The following FAM110C variants were observed in gnomAD, a reference collection of about 807,000 sequenced individuals.
FAM110C encodes the protein protein FAM110C.
A neutral mutation model predicts 15.7 loss-of-function variants in FAM110C; 19 were observed. That is an observed-to-expected ratio of 1.21 (90% CI 0.85 to 1.78). The LOEUF (loss-of-function observed/expected upper bound fraction) is 1.78. FAM110C is among the 40% of genes most tolerant of loss of function. The probability of loss-of-function intolerance (pLI) is 0.00; values close to 1 mark genes in which losing one functional copy is unlikely to be tolerated. For synonymous variants in FAM110C, 275 were observed against 233.9 expected, an observed-to-expected ratio of 1.18 and a Z score of -1.61; for missense variants, 547 against 495.7, an observed-to-expected ratio of 1.10 and a Z score of -0.98.
chr2:43,513 A>G, intron 1 of FAM110C: 1 of 985,380 alleles, frequency 1.0e-6, no homozygotes, highest in Non-Finnish European at 1.2e-6. Context: ...TCACAAGCTA[A>G]CTAAACTTCT....
chr2:44,892 A>T, intron 1 of FAM110C: 1 of 985,412 alleles, frequency 1.0e-6, no homozygotes. Flanking sequence ...GATCCTGTGG[A>T]GAAGTTCTCA....
In FAM110C at chr2:45,651, G is replaced by A. The variant is rs1332800169; in HGVS notation, c.735C>T (p.Thr245=). 1.2e-6 allele frequency: 2 copies of A among 1,612,014 alleles called. No homozygotes were observed. Among genetic ancestry groups the A allele is most frequent in the South Asian group, 2.2e-5 (2 of 90,854 alleles). Reference sequence around the variant, plus strand: ...CGACGCTCACGCTGCGCACCTTGAGGGTCACACAGTCCGACCCCGCGGTGA... The same window carrying A: ...CGACGCTCACGCTGCGCACCTTGAGAGTCACACAGTCCGACCCCGCGGTGA... ...ENFTAGSDCV[T]LKVRSVSVAT... Residue 245 remains threonine (T), a synonymous_variant, in exon 1 of 2, where the codon ACC becomes ACT. Transcript: ENST00000327669.
In FAM110C at chr2:45,709, G is replaced by C; in HGVS notation, c.677C>G (p.Pro226Arg). Residue 226 changes from proline to arginine, a missense_variant, in exon 1 of 2, where the codon CCC becomes CGC. Physicochemically the swap from Pro to Arg is moderately radical, Grantham distance 103. Coordinates refer to ENST00000327669, the MANE Select transcript of FAM110C (RefSeq NM_001077710.3). ...DTFFQYCGLD[P>R]EVVEALGREN... ...CCTCCCCAGGGCCTCCACCACCTCG[G>C]GGTCCAGGCCGCAGTACTGGAAGAA... 1 of 1,603,034 alleles carries C rather than the reference G, an allele frequency of 6.2e-7. No homozygotes were observed. The highest frequency in any genetic ancestry group is 1.1e-5 in the South Asian group (1 of 89,760).
At position 45,623 on chromosome 2, in the gene FAM110C, T is replaced by A. The variant is rs762524243; in HGVS notation, c.763A>T (p.Thr255Ser). 1 of 1,612,900 alleles carries A rather than the reference T, an allele frequency of 6.2e-7. No individual in the cohort carries two copies. ...TGCCGGGAGAAGCCGCTGCCGGAGG[T>A]GGCGACGCTCACGCTGCGCACCTTG... ...TLKVRSVSVATSGSGFSRHSG... is the reference protein window; with the variant it reads ...TLKVRSVSVASSGSGFSRHSG... Residue 255 changes from threonine (T) to serine (S), a missense_variant, in exon 1 of 2, where the codon ACC (threonine) becomes TCC (serine). Physicochemically the swap from Thr to Ser is moderately conservative, Grantham distance 58. Coordinates refer to ENST00000327669, the MANE Select transcript of FAM110C (RefSeq NM_001077710.3).
In FAM110C at chr2:46,118, T is replaced by C. The variant is rs1664294047; in HGVS notation, c.268A>G (p.Ile90Val). 1.4e-6 allele frequency: 2 copies of C among 1,476,252 alleles called. No homozygotes were observed. The highest frequency in any genetic ancestry group is 1.8e-6 in the Non-Finnish European group (2 of 1,120,858). 91.4% of individuals were successfully genotyped at this position (1,476,252 alleles called of 1,614,324 possible). Residue 90 changes from isoleucine to valine, a missense_variant, in exon 1 of 2, where the codon ATT becomes GTT. Ile to Val is a conservative substitution (Grantham distance 29, BLOSUM62 3). Transcript: ENST00000327669. ...TCCGGTCTCAACGGCTTCCGCGCAA[T>C]AGCCCTGCGCGCCACCGGGGCCGGG... Reference protein sequence around the residue: ...RAPAPVARRAIARKPLRPDSL... With the variant: ...RAPAPVARRAVARKPLRPDSL...
At chr2:44,701 C>T in intron 1 of FAM110C, 1 of 985,406 alleles carries the variant, frequency 1.0e-6, no homozygotes, top group Non-Finnish European at 1.2e-6. Flanking sequence ...CAATCCGGCA[C>T]TACTGGTTGT....
At chr2:44,817 A>C in intron 1 of FAM110C, 5 of 985,420 alleles carry the variant, frequency 5.1e-6, no homozygotes, top group Non-Finnish European at 6.0e-6. Context: ...AGCTCTCAAA[A>C]CAATTTAAAT....
Position 45,700 on chromosome 2 carries a change from A to C in FAM110C, c.686T>G (p.Val229Gly), listed in dbSNP as rs769618842. 1 of 1,603,564 alleles carries C rather than the reference A, an allele frequency of 6.2e-7. No homozygotes were observed. Among genetic ancestry groups the C allele is most frequent in the South Asian group, 1.1e-5 (1 of 89,834 alleles). ...FQYCGLDPEV[V>G]EALGRENFTA... ...GAAGTTCTCCCTCCCCAGGGCCTCC[A>C]CCACCTCGGGGTCCAGGCCGCAGTA... The change falls in exon 1 of 2, where the codon GTG becomes GGG. Residue 229 changes from valine (V) to glycine (G), a missense_variant. By Grantham distance (109) the Val-to-Gly change is moderately radical. Transcript: ENST00000327669.
chr2:44,018 T>C (rs1664205750), intron 1 of FAM110C: 1 of 985,364 alleles, frequency 1.0e-6, no homozygotes, highest in Non-Finnish European at 1.2e-6. Context: ...GGTTTAGTGC[T>C]CTATCCACCA....
At chr2:45,026 C>T (rs1473076249) in intron 1 of FAM110C, 4 of 985,298 alleles carry the variant, frequency 4.1e-6, no homozygotes, top group Non-Finnish European at 4.8e-6. Context: ...GGACCGCCCA[C>T]AGCACAGGTC....
rs2103274218 is a variant in FAM110C at position 46,157 on chromosome 2, G to A, written c.229C>T (p.Pro77Ser). 3 of 1,418,866 alleles carry A rather than the reference G, an allele frequency of 2.1e-6. No homozygotes were observed. Among genetic ancestry groups the A allele is most frequent in the Non-Finnish European group, 2.7e-6 (3 of 1,093,738 alleles). 87.9% of individuals were successfully genotyped at this position (1,418,866 alleles called of 1,614,324 possible). ...AIKCPGNDPG[P>S]PARAPAPVAR... ...ACCGGGGCCGGGGCGCGGGCCGGGG[G>A]CCCAGGGTCGTTCCCCGGGCACTTG... Residue 77 changes from proline to serine, a missense_variant, in exon 1 of 2, where the codon CCC becomes TCC. By Grantham distance (74) the Pro-to-Ser change is moderately conservative. Coordinates refer to ENST00000327669, the MANE Select transcript of FAM110C (RefSeq NM_001077710.3).
At position 44,703 on chromosome 2, in the gene FAM110C, A is replaced by G. The variant is rs533824257; in HGVS notation, c.946+737T>C. On this transcript the variant is annotated intron_variant, in intron 1 of 1. Transcript: ENST00000327669. ...AAGAGCTCGAGGTCAATCCGGCACT[A>G]CTGGTTGTCCAAAGGGAGGTTACTT... is the stretch of plus-strand genomic sequence containing the variant. The G allele has an allele frequency of 8.1e-6, 8 of 985,404 alleles. No homozygotes were observed. In the South Asian group the frequency reaches 3.8e-4, roughly 46 times the overall value. The allele number at this position is 985,404 out of a possible 1,614,324, so 61.0% of individuals were successfully genotyped here.
rs936645843 is a variant in FAM110C, at chr2:45,683, C to G, written c.703G>C (p.Glu235Gln). The change falls in exon 1 of 2, where the codon GAG becomes CAG. Residue 235 changes from glutamate (E) to glutamine (Q), a missense_variant. Coordinates refer to ENST00000327669, the MANE Select transcript of FAM110C (RefSeq NM_001077710.3). ...DPEVVEALGR[E>Q]NFTAGSDCVT... ...CAGTCCGACCCCGCGGTGAAGTTCT[C>G]CCTCCCCAGGGCCTCCACCACCTCG... The G allele has an allele frequency of 6.2e-7, 1 of 1,606,304 alleles. No homozygotes were observed. Among genetic ancestry groups the G allele is most frequent in the Non-Finnish European group, 8.5e-7 (1 of 1,176,980 alleles).
rs766025031 is a variant in FAM110C at position 45,980 on chromosome 2, G to C, written c.406C>G (p.Pro136Ala). ...CCCTCGTCTCCCGTCCGGGGCACCG[G>C]CGCCTTGTCCTTACCCGGCCCCTGG... ...LFQGPGKDKA[P>A]VPRTGDEGKA... The change falls in exon 1 of 2, where the codon CCG becomes GCG. Residue 136 changes from proline to alanine, a missense_variant. Transcript: ENST00000327669. 6.8e-7 allele frequency: 1 copy of C among 1,460,984 alleles called. No homozygotes were observed. Among genetic ancestry groups the C allele is most frequent in the Non-Finnish European group, 9.0e-7 (1 of 1,112,202 alleles). The allele number at this position is 1,460,984 out of a possible 1,614,324, so 90.5% of individuals were successfully genotyped here.
chr2:42,147 T>C lies in FAM110C; in HGVS notation c.947-520A>G, dbSNP rs1417455697. 3 of 985,272 alleles carry C rather than the reference T, an allele frequency of 3.0e-6. No homozygotes were observed. In the African/African-American group the frequency reaches 5.2e-5, roughly 17 times the overall value. 61.0% of individuals were successfully genotyped at this position (985,272 alleles called of 1,614,324 possible). A position where few individuals can be genotyped will look rare whatever the true frequency, so the allele number is the denominator to read the frequency against. ...AATGTGCTCCTAGTCGCATAGCTTC[T>C]CAGAATAGTCAAAGAAGAAAGGAAA... is the stretch of plus-strand genomic sequence containing the variant. On this transcript the variant is annotated intron_variant, in intron 1 of 1. Transcript: ENST00000327669.
chr2:44,270 C>G (rs1215605905), intron 1 of FAM110C: 1 of 985,214 alleles, frequency 1.0e-6, no homozygotes, highest in African/African-American at 1.7e-5. Context: ...CCTGAGCCTT[C>G]TGAGTTCAAG....
chr2:42,487 G>C (rs1206310199), intron 1 of FAM110C, among the ~76,000 whole-genome samples: 1 of 152,210 alleles, frequency 6.6e-6, no homozygotes, highest in Admixed American at 6.5e-5. Flanking sequence ...AAGACAGGAA[G>C]ATGACTACAT....
chr2:45,349 T>C (rs1664245304), intron 1 of FAM110C, 91 bp downstream of exon 1: 2 of 1,488,458 alleles, frequency 1.3e-6, no homozygotes, highest in East Asian at 2.4e-5. Flanking sequence ...TCTAAGCAGC[T>C]GTAACTGGCC....
At chr2:43,390 G>A (rs1664181144) in intron 1 of FAM110C, 1 of 985,260 alleles carries the variant, frequency 1.0e-6, no homozygotes, top group Admixed American at 6.2e-5. Flanking sequence ...GACATGAGGG[G>A]AGGAAGAAGC....
Sources: allele counts gnomAD v4.1 joint callset (sites outside exome capture counted in the v4.1 genomes callset), GRCh38; gene constraint gnomAD v4.1.1; transcripts MANE v1.5; gene names NCBI Gene and HGNC (gene_info 2026-07-23, HGNC 2026-07-21).